The following PCSK6 variants were observed in gnomAD, a reference collection of about 807,000 sequenced individuals.
The protein encoded by PCSK6 is paired basic amino acid cleaving enzyme 4.
A neutral mutation model predicts 123.3 loss-of-function variants in PCSK6; 85 were observed. That is an observed-to-expected ratio of 0.69 (90% CI 0.58 to 0.83). The LOEUF (loss-of-function observed/expected upper bound fraction) is 0.83, where lower values mean the gene tolerates loss of function less well. PCSK6 is among the 40% of genes least tolerant of loss of function. The pLI is 0.00. For missense variants in PCSK6, 1,191 were observed against 1,282.3 expected (o/e 0.93, Z 1.09); for synonymous variants, 508 against 516.0 (o/e 0.98, Z 0.21).
At chr15:101,347,613 G>A in intron 13 of PCSK6, 14 of 1,534,152 alleles carry the variant, frequency 9.1e-6, no homozygotes, top group Non-Finnish European at 1.2e-5. Context: ...CCAAAGTGCT[G>A]AGCCTCTGGG....
chr15:101,316,831 G>T (rs1326910543), intron 19 of PCSK6, among the ~76,000 whole-genome samples: 3 of 152,110 alleles, frequency 2.0e-5, no homozygotes, highest in Non-Finnish European at 2.9e-5. Context: ...CCGGCCACGT[G>T]GGGAGGGGTG....
At chr15:101,378,570 C>A (rs1046724623) in intron 11 of PCSK6, among the ~76,000 whole-genome samples, 1 of 152,240 alleles carries the variant, frequency 6.6e-6, no homozygotes, top group African/African-American at 2.4e-5. Context: ...TCAGACTGCT[C>A]TAGGGCAGGG....
intron 13 of PCSK6, among the ~76,000 whole-genome samples, chr15:101,350,987 A>T (rs2040875273): frequency 6.6e-6 from 1 of 152,238 alleles, no homozygotes; most frequent in Admixed American, 6.5e-5. Context: ...TACTAAAAAC[A>T]AAGGTAATGA....
In PCSK6 at chr15:101,370,328, G is replaced by A. The variant is rs368198414; in HGVS notation, c.1721+7C>T. The A allele has an allele frequency of 3.2e-5, 49 of 1,521,940 alleles. 1 individual carries two copies. The highest frequency in any genetic ancestry group is 1.9e-4 in the South Asian group (15 of 77,816). The allele number at this position is 1,521,940 out of a possible 1,614,324, so 94.3% of individuals were successfully genotyped here. A position where few individuals can be genotyped will look rare whatever the true frequency, so the allele number is the denominator to read the frequency against. On this transcript the variant is annotated splice_region_variant and intron_variant, in intron 12 of 21. Transcript: ENST00000611716. ...CAGACCCCATCCCCACGCCTGCCTC[G>A]CCTTACCTCTTTGCCAGAAGTTGAG...
intron 15 of PCSK6, among the ~76,000 whole-genome samples, chr15:101,331,130 C>T (rs958669786): frequency 9.9e-5 from 15 of 152,242 alleles, no homozygotes; most frequent in South Asian, 2.1e-4. Flanking sequence ...AAGCCATGTC[C>T]AGCTCAGTGG....
intron 1 of PCSK6, among the ~76,000 whole-genome samples, chr15:101,454,914 CAGCCTGGGCAACAG>C (rs2057135823): frequency 6.6e-6 from 1 of 151,588 alleles, no homozygotes; most frequent in African/African-American, 2.4e-5. Flanking sequence ...CACTGCAGTC[CAGCCTGGGCAACAG>C]AGTGAGACTC....
chr15:101,365,536 C>T (rs1379718179), intron 13 of PCSK6, among the ~76,000 whole-genome samples: 2 of 152,070 alleles, frequency 1.3e-5, no homozygotes, highest in Non-Finnish European at 2.9e-5. Flanking sequence ...TACCATATGA[C>T]CTGACAATTC....
chr15:101,345,856 C>T (rs1230822476), intron 13 of PCSK6, among the ~76,000 whole-genome samples: 2 of 152,104 alleles, frequency 1.3e-5, no homozygotes, highest in East Asian at 1.9e-4. Context: ...TTGGTAGAGG[C>T]GGGGTTTCAC....
chr15:101,440,642 G>A (rs1043708611), intron 2 of PCSK6, among the ~76,000 whole-genome samples: 3 of 152,128 alleles, frequency 2.0e-5, no homozygotes, highest in Non-Finnish European at 2.9e-5. Flanking sequence ...TGGCAGCCTC[G>A]CATTCCGAAG....
intron 6 of PCSK6, among the ~76,000 whole-genome samples, chr15:101,416,498 C>G (rs2055891697): frequency 6.6e-6 from 1 of 152,194 alleles, no homozygotes; most frequent in Non-Finnish European, 1.5e-5. Flanking sequence ...GAAATTCAAG[C>G]CGGCTGCAGA....
intron 13 of PCSK6, chr15:101,365,844 G>A (rs1171579719): frequency 1.6e-5 from 3 of 181,968 alleles, no homozygotes; most frequent in African/African-American, 2.3e-5. Flanking sequence ...TATATGAAAT[G>A]TCCAGGAGAG....
At chr15:101,335,226 T>C (rs1567149011) in intron 13 of PCSK6, among the ~76,000 whole-genome samples, 2 of 152,186 alleles carry the variant, frequency 1.3e-5, no homozygotes, top group Admixed American at 6.5e-5. Context: ...TCCCAAAGTG[T>C]AGGATTTACT....
At chr15:101,349,836 T>C (rs1342582670) in intron 13 of PCSK6, among the ~76,000 whole-genome samples, 2 of 152,204 alleles carry the variant, frequency 1.3e-5, no homozygotes, top group Non-Finnish European at 2.9e-5. Context: ...TTTCACACAT[T>C]TGTTCTACCA....
chr15:101,488,043 C>T (rs1161284148), intron 1 of PCSK6, among the ~76,000 whole-genome samples: 2 of 152,150 alleles, frequency 1.3e-5, no homozygotes, highest in Non-Finnish European at 2.9e-5. Context: ...TTCCTTCATT[C>T]GAATGGTGGA....
At chr15:101,332,671 G>A (rs1280244409) in intron 13 of PCSK6, among the ~76,000 whole-genome samples, 4 of 152,200 alleles carry the variant, frequency 2.6e-5, no homozygotes, top group Admixed American at 2.6e-4. Flanking sequence ...GAAAGCAGGG[G>A]GATGAGTAGA....
chr15:101,374,150 G>A (rs972528064), intron 11 of PCSK6, among the ~76,000 whole-genome samples: 3 of 152,058 alleles, frequency 2.0e-5, no homozygotes, highest in African/African-American at 7.2e-5. Context: ...TAATTACTCT[G>A]GTACTTCAGA....
intron 6 of PCSK6, among the ~76,000 whole-genome samples, chr15:101,405,461 G>A (rs1050655956): frequency 6.6e-6 from 1 of 152,132 alleles, no homozygotes; most frequent in African/African-American, 2.4e-5. Context: ...GGAGAACCTG[G>A]TGCCTTTGTG....
intron 8 of PCSK6, among the ~76,000 whole-genome samples, chr15:101,391,409 G>T (rs1361624775): frequency 2.6e-5 from 4 of 152,232 alleles, no homozygotes; most frequent in Admixed American, 1.3e-4. Context: ...GGGTCCTGGG[G>T]AGCGAGCAGA....
intron 1 of PCSK6, among the ~76,000 whole-genome samples, chr15:101,450,724 G>C (rs562437378): frequency 6.6e-6 from 1 of 152,180 alleles, no homozygotes; most frequent in South Asian, 2.1e-4. Context: ...CATGCCCCCA[G>C]TGCCTTCTGG....
Sources: gnomAD v4.1 joint callset for allele counts (sites outside exome capture counted in the v4.1 genomes callset) on GRCh38, gnomAD v4.1.1 for gene constraint, MANE v1.5 for transcripts, NCBI Gene and HGNC (gene_info 2026-07-23, HGNC 2026-07-21) for gene names.